SEC23B: variants seen among roughly 807,000 people sequenced by gnomAD.
SEC23B encodes the protein protein transport protein Sec23B.
A neutral mutation model predicts 104.3 loss-of-function variants in SEC23B; 77 were observed. The observed-to-expected ratio is 0.74, with a 90% CI of 0.61 to 0.89. The LOEUF (loss-of-function observed/expected upper bound fraction) is 0.89, where lower values mean the gene tolerates loss of function less well. SEC23B is among the 40% of genes least tolerant of loss of function. The pLI is 0.00. For synonymous variants in SEC23B, 338 were observed against 332.5 expected, an observed-to-expected ratio of 1.02 and a Z score of -0.18; for missense variants, 885 against 949.4, an observed-to-expected ratio of 0.93 and a Z score of 0.89.
chr20:18,523,072 A>G (rs1324607409), intron 4 of SEC23B, among the ~76,000 whole-genome samples: 1 of 75,596 alleles, frequency 1.3e-5, no homozygotes, highest in African/African-American at 3.4e-5. Context: ...GTCTCAAAAA[A>G]AAAAGAAAAA....
At chr20:18,533,118 C>T (rs145339194) in intron 11 of SEC23B, among the ~76,000 whole-genome samples, 60 of 152,268 alleles carry the variant, frequency 3.9e-4, no homozygotes, top group African/African-American at 1.4e-3. Flanking sequence ...TTGCTCATTG[C>T]CCTTAGAGGT....
chr20:18,526,021 A>C, intron 7 of SEC23B, 89 bp downstream of exon 7: 1 of 1,420,144 alleles, frequency 7.0e-7, no homozygotes, highest in Non-Finnish European at 9.9e-7. Flanking sequence ...ATCACTTGTG[A>C]TCTAAGTCAA....
chr20:18,514,206 G>T (rs1020023074), intron 3 of SEC23B, among the ~76,000 whole-genome samples: 1 of 152,184 alleles, frequency 6.6e-6, no homozygotes, highest in African/African-American at 2.4e-5. Context: ...AGCTCTAAAT[G>T]AATGTAGAGC....
chr20:18,542,580 C>T (rs181268587), intron 13 of SEC23B, among the ~76,000 whole-genome samples, 178 bp downstream of exon 13: 33 of 152,316 alleles, frequency 2.2e-4, no homozygotes, highest in Admixed American at 1.6e-3. Context: ...GGCCTATGAA[C>T]ACTTGCCTAG....
At chr20:18,550,861 A>T (rs1315045755) in intron 16 of SEC23B, among the ~76,000 whole-genome samples, 1 of 152,114 alleles carries the variant, frequency 6.6e-6, no homozygotes, top group African/African-American at 2.4e-5. Context: ...CTCCGTTCTC[A>T]ATTGATGAGG....
chr20:18,511,614 G>A (rs1458186898), intron 2 of SEC23B, among the ~76,000 whole-genome samples: 1 of 151,810 alleles, frequency 6.6e-6, no homozygotes, highest in Non-Finnish European at 1.5e-5. Flanking sequence ...TTATATGAGG[G>A]AACATTTTTT....
chr20:18,518,917 G>A (rs2060058400), intron 4 of SEC23B, among the ~76,000 whole-genome samples: 2 of 152,142 alleles, frequency 1.3e-5, no homozygotes, highest in South Asian at 2.1e-4. Flanking sequence ...CTATATAACA[G>A]CATGGTGGTG....
rs762610669 is a variant in SEC23B at position 18,511,002 on chromosome 20, A to G, written c.167A>G (p.Tyr56Cys). The change falls in exon 2 of 20, where the codon TAT (tyrosine) becomes TGT (cysteine). Residue 56 changes from tyrosine to cysteine, a missense_variant. Transcript: ENST00000650089. ...KERPDLPPVQ[Y>C]EPVLCSRPTC... ...CGTCCAGACCTACCTCCTGTACAAT[A>G]TGAACCTGTGCTTTGCAGCAGGCCA... 8 of 1,614,196 alleles carry G rather than the reference A, an allele frequency of 5.0e-6. No homozygotes were observed. The highest frequency in any genetic ancestry group is 1.3e-5 in the African/African-American group (1 of 75,058).
intron 6 of SEC23B, 24 bp downstream of exon 6, chr20:18,525,044 A>T: frequency 6.2e-7 from 1 of 1,601,084 alleles, no homozygotes; most frequent in Non-Finnish European, 8.6e-7. Flanking sequence ...ATGGAGTGTT[A>T]CACGTATTGT....
chr20:18,550,390 C>T (rs1381005058), intron 16 of SEC23B, among the ~76,000 whole-genome samples: 2 of 152,018 alleles, frequency 1.3e-5, no homozygotes, highest in Non-Finnish European at 2.9e-5. Context: ...CTCCTGGGTT[C>T]AAGTGATCTG....
chr20:18,515,915 T>C (rs2060020632), intron 4 of SEC23B, 179 bp downstream of exon 4: 1 of 628,250 alleles, frequency 1.6e-6, no homozygotes, highest in Non-Finnish European at 2.9e-6. Context: ...CCTGACATTA[T>C]AGAAGGCTAC....
At chr20:18,513,334 AAG>A (rs1221813368) in intron 3 of SEC23B, among the ~76,000 whole-genome samples, 1 of 151,928 alleles carries the variant, frequency 6.6e-6, no homozygotes, top group African/African-American at 2.4e-5. Flanking sequence ...GCAACACAGC[AAG>A]AGTGTCAAAA....
rs1216879587 is a variant in SEC23B at position 18,548,750 on chromosome 20, TC to T, written c.1887del (p.His631MetfsTer15). The T allele has an allele frequency of 1.9e-6, 3 of 1,614,056 alleles. No individual in the cohort carries two copies. Among genetic ancestry groups the T allele is most frequent in the Non-Finnish European group, 2.5e-6 (3 of 1,180,048 alleles). ...GATCCAGCCCATTCTCTACTCTTAC[TC>T]CTTTCATGGGCCACCAGAGGTGAGG... Reference protein sequence around the residue: ...IMIQPILYSYSFHGPPEPVLL... With the variant: ...IMIQPILYSYXFHGPPEPVLL... On this transcript the variant is annotated frameshift_variant, in exon 16 of 20. Coordinates refer to ENST00000650089, the MANE Select transcript of SEC23B (RefSeq NM_006363.6). LOFTEE classifies it high-confidence loss of function.
intron 4 of SEC23B, among the ~76,000 whole-genome samples, chr20:18,516,182 AT>A (rs1255774144): frequency 6.6e-6 from 1 of 150,432 alleles, no homozygotes; most frequent in African/African-American, 2.4e-5. Context: ...GAATCTTCTA[AT>A]TGTTCTCCCT....
intron 1 of SEC23B, 106 bp downstream of exon 1, chr20:18,508,078 C>T (rs2059946963): frequency 2.0e-5 from 3 of 152,492 alleles, no homozygotes. Flanking sequence ...GGGAGGAGGC[C>T]TTTTCTTGAC....
At chr20:18,515,125 C>A (rs117474330) in intron 3 of SEC23B, among the ~76,000 whole-genome samples, 1 of 152,184 alleles carries the variant, frequency 6.6e-6, no homozygotes, top group East Asian at 1.9e-4. Context: ...CCAGCCTGGG[C>A]AACATAAAGT....
At chr20:18,530,231 TATTA>T (rs910622301) in intron 9 of SEC23B, among the ~76,000 whole-genome samples, 15 of 151,966 alleles carry the variant, frequency 9.9e-5, no homozygotes, top group African/African-American at 3.1e-4. Context: ...TAATTTATTT[TATTA>T]TTTATTTACT....
At chr20:18,516,564 T>C (rs1178923900) in intron 4 of SEC23B, among the ~76,000 whole-genome samples, 2 of 151,174 alleles carry the variant, frequency 1.3e-5, no homozygotes, top group East Asian at 3.9e-4. Flanking sequence ...TTTTTTTTTT[T>C]CTTCTGAGAT....
chr20:18,514,631 C>A (rs1255210431), intron 3 of SEC23B, among the ~76,000 whole-genome samples: 1 of 152,140 alleles, frequency 6.6e-6, no homozygotes, highest in Non-Finnish European at 1.5e-5. Flanking sequence ...ATAAGCCAAC[C>A]CACAAGCTGT....
Sources: allele counts gnomAD v4.1 joint callset (sites outside exome capture counted in the v4.1 genomes callset), GRCh38; gene constraint gnomAD v4.1.1; transcripts MANE v1.5; gene names NCBI Gene and HGNC (gene_info 2026-07-23, HGNC 2026-07-21).